The following CLMP variants were observed in gnomAD, a reference collection of about 807,000 sequenced individuals.
CLMP encodes the protein CXADR like cell adhesion molecule.
CLMP carries 27 observed loss-of-function variants against 45.2 expected under a neutral mutation model. The ratio of observed to expected loss-of-function variants is 0.60; its 90% confidence interval spans 0.44 to 0.82. The LOEUF (loss-of-function observed/expected upper bound fraction) is 0.82. Ranked by LOEUF, CLMP falls within the 40% of genes least tolerant of loss-of-function variation. The pLI is 0.00. For missense variants in CLMP, 403 were observed against 448.4 expected (o/e 0.90, Z 0.91); for synonymous variants, 167 against 171.4 (o/e 0.97, Z 0.20).
chr11:123,106,424 T>TGCGC (rs71057332), intron 1 of CLMP, among the ~76,000 whole-genome samples: 8 of 90,860 alleles, frequency 8.8e-5, no homozygotes, highest in South Asian at 7.0e-4. Context: ...TGTGTGTGTG[T>TGCGC]GCGCGCGCGC....
At chr11:123,171,713 G>C (rs1861636767) in intron 1 of CLMP, among the ~76,000 whole-genome samples, 1 of 152,030 alleles carries the variant, frequency 6.6e-6, no homozygotes, top group Non-Finnish European at 1.5e-5. Context: ...CAAAGTGCTG[G>C]GATTGCAGGC....
chr11:123,144,576 G>A (rs563849608), intron 1 of CLMP, among the ~76,000 whole-genome samples: 28 of 152,180 alleles, frequency 1.8e-4, no homozygotes, highest in African/African-American at 6.7e-4. Flanking sequence ...CTCCATGTTG[G>A]TCAGGCTGGT....
Position 123,074,703 on chromosome 11 carries a change from G to T in CLMP, c.820C>A (p.Arg274=). The change falls in exon 6 of 7, where the codon CGA becomes AGA. Residue 274 remains arginine, a splice_region_variant and synonymous_variant. Transcript: ENST00000448775. The stretch of plus-strand genomic sequence containing the variant: ...AAAGTAGGGATGTGGGAGGTTTACC[G>T]AATTTCATTAGGTCTCTCTTCTTCC... ...YEEEERPNEI[R]EDAEAPKARL... 2 of 1,613,812 alleles carry T rather than the reference G, an allele frequency of 1.2e-6. No homozygotes were observed. Among genetic ancestry groups the T allele is most frequent in the Non-Finnish European group, 1.7e-6 (2 of 1,179,816 alleles).
chr11:123,088,968 G>A (rs1048171481), intron 2 of CLMP, among the ~76,000 whole-genome samples: 6 of 152,160 alleles, frequency 3.9e-5, no homozygotes, highest in Admixed American at 1.3e-4. Context: ...AGATGCCTTC[G>A]TCTTGAAATA....
chr11:123,158,702 A>G (rs1861446681), intron 1 of CLMP, among the ~76,000 whole-genome samples: 2 of 152,208 alleles, frequency 1.3e-5, no homozygotes, highest in Admixed American at 6.5e-5. Context: ...GCTGAGTTTA[A>G]CACAGGGGCT....
At chr11:123,194,136 T>G (rs1341228747) in intron 1 of CLMP, among the ~76,000 whole-genome samples, 1 of 152,052 alleles carries the variant, frequency 6.6e-6, no homozygotes, top group Non-Finnish European at 1.5e-5. Context: ...TCAGGGCCTC[T>G]GAGGCCCCAA....
At chr11:123,108,226 G>C (rs1333283915) in intron 1 of CLMP, among the ~76,000 whole-genome samples, 1 of 152,170 alleles carries the variant, frequency 6.6e-6, no homozygotes, top group Admixed American at 6.6e-5. Context: ...TTTTATGAGA[G>C]TCTTCAGAAG....
intron 2 of CLMP, among the ~76,000 whole-genome samples, chr11:123,090,373 G>T (rs1272740682): frequency 3.3e-5 from 5 of 151,352 alleles, no homozygotes. Context: ...GGTGAGCCGA[G>T]ATTGTGTCAC....
chr11:123,119,505 G>C (rs1591466045), intron 1 of CLMP, among the ~76,000 whole-genome samples: 1 of 152,096 alleles, frequency 6.6e-6, no homozygotes, highest in East Asian at 1.9e-4. Context: ...TATCTAAGAT[G>C]GGCAGTTCAC....
intron 2 of CLMP, among the ~76,000 whole-genome samples, chr11:123,096,246 C>G (rs1225415937): frequency 6.6e-6 from 1 of 152,126 alleles, no homozygotes; most frequent in Non-Finnish European, 1.5e-5. Flanking sequence ...CCCAGCTACT[C>G]AGGAGTTGGA....
At chr11:123,123,906 C>T (rs903335436) in intron 1 of CLMP, among the ~76,000 whole-genome samples, 9 of 152,188 alleles carry the variant, frequency 5.9e-5, no homozygotes, top group South Asian at 4.2e-4. Flanking sequence ...GGAAATGAGA[C>T]ATGAGAGACA....
chr11:123,150,780 G>A (rs763234940), intron 1 of CLMP, among the ~76,000 whole-genome samples: 5 of 152,150 alleles, frequency 3.3e-5, no homozygotes, highest in Admixed American at 6.5e-5. Context: ...GCAGGGGCAC[G>A]ATCTCGGCTC....
intron 5 of CLMP, among the ~76,000 whole-genome samples, chr11:123,078,977 C>T (rs1489785348): frequency 6.6e-6 from 1 of 152,060 alleles, no homozygotes; most frequent in Non-Finnish European, 1.5e-5. Context: ...GGGGTTTTGG[C>T]ATGTTGGTCA....
intron 1 of CLMP, among the ~76,000 whole-genome samples, chr11:123,138,042 G>C (rs1275827439): frequency 6.6e-6 from 1 of 151,400 alleles, no homozygotes; most frequent in Non-Finnish European, 1.5e-5. Context: ...CAGGGCCCGG[G>C]GCTGCCTCCT....
intron 1 of CLMP, among the ~76,000 whole-genome samples, chr11:123,170,805 G>C (rs7102292): frequency 0.66 from 100,946 of 151,954 alleles, 34,306 homozygotes; most frequent in African/African-American, 0.81. Flanking sequence ...TATAAAGACT[G>C]TTTGCTGGCA....
intron 6 of CLMP, among the ~76,000 whole-genome samples, chr11:123,074,319 C>T (rs4936772): frequency 0.021 from 3,145 of 151,888 alleles, 101 homozygotes; most frequent in East Asian, 0.17. Flanking sequence ...GGACTACAGG[C>T]ATGGGCTACC....
At chr11:123,134,493 C>T (rs1277877626) in intron 1 of CLMP, among the ~76,000 whole-genome samples, 2 of 150,116 alleles carry the variant, frequency 1.3e-5, no homozygotes, top group African/African-American at 4.9e-5. Flanking sequence ...GGTTTTTAAG[C>T]AAGGGCATTT....
intron 1 of CLMP, among the ~76,000 whole-genome samples, chr11:123,107,732 G>A (rs565460): frequency 3.3e-5 from 5 of 151,956 alleles, no homozygotes; most frequent in African/African-American, 1.2e-4. Context: ...ATTGTGAAAA[G>A]TTTGGAAGTC....
rs181408174 is a variant in CLMP at position 123,070,979 on chromosome 11, C to T, written c.*2495G>A. On this transcript the variant is annotated 3_prime_UTR_variant, in exon 7 of 7. Transcript: ENST00000448775. ...TTGTTTTTTGCACTATGTGACGACA[C>T]GATTGTGAGAATTAAATATAGGAGT... is the stretch of plus-strand genomic sequence containing the variant. 5 of 152,234 alleles carry T rather than the reference C, an allele frequency of 3.3e-5. No homozygotes were observed. The East Asian group carries it at 5.8e-4, about 18-fold the overall frequency. The allele number at this position is 152,234 out of a possible 1,614,324, so 9.4% of individuals were successfully genotyped here. A position where few individuals can be genotyped will look rare whatever the true frequency, so the allele number is the denominator to read the frequency against.
Sources: allele counts gnomAD v4.1 joint callset (sites outside exome capture counted in the v4.1 genomes callset), GRCh38; gene constraint gnomAD v4.1.1; transcripts MANE v1.5; gene names NCBI Gene and HGNC (gene_info 2026-07-23, HGNC 2026-07-21).